The following SHANK2 variants were observed in gnomAD, a reference collection of about 807,000 sequenced individuals.
SHANK2 encodes the protein SH3 and multiple ankyrin repeat domains protein 2.
SHANK2 carries 43 observed loss-of-function variants against 133.7 expected under a neutral mutation model. That is an observed-to-expected ratio of 0.32 (90% CI 0.25 to 0.41). The LOEUF (loss-of-function observed/expected upper bound fraction) is 0.41, where lower values mean the gene tolerates loss of function less well. Among genes scored for constraint, SHANK2 ranks in the 10% least tolerant of loss-of-function variants. SHANK2 has a pLI of 1.00. For missense variants in SHANK2, 1,994 were observed against 2,235.8 expected (o/e 0.89, Z 2.18); for synonymous variants, 1,017 against 952.8 (o/e 1.07, Z -1.24).
chr11:70,819,859 C>G (rs1055396607), intron 12 of SHANK2, among the ~76,000 whole-genome samples: 1 of 152,168 alleles, frequency 6.6e-6, no homozygotes, highest in Non-Finnish European at 1.5e-5. Context: ...AGCCCTGAGC[C>G]GGCCTCTCCG....
chr11:70,559,560 G>C (rs549348494), intron 17 of SHANK2, among the ~76,000 whole-genome samples: 1 of 152,096 alleles, frequency 6.6e-6, no homozygotes. Flanking sequence ...CACACTGGGC[G>C]CTCCATAGCT....
intron 14 of SHANK2, among the ~76,000 whole-genome samples, chr11:70,745,226 G>A (rs1242935492): frequency 1.3e-5 from 2 of 152,190 alleles, no homozygotes; most frequent in Admixed American, 6.5e-5. Flanking sequence ...GCTACAAAGC[G>A]TTTCCCTCAC....
At chr11:71,113,401 C>CAAT in intron 4 of SHANK2, 37 bp from the exon 5 acceptor site, 1 of 1,533,642 alleles carries the variant, frequency 6.5e-7, no homozygotes, top group Non-Finnish European at 8.8e-7. Flanking sequence ...GAAAACAAGT[C>CAAT]AATACTTCTC....
rs148439238 is a variant in SHANK2, at chr11:71,239,652, T to C, written c.-113+12773A>G. ...ATACTTGTTTTTTGTTTTGTCTTGT[T>C]TTCTAGAGACAGGGTTTTGCTGTAT... On this transcript the variant is annotated intron_variant, in intron 1 of 25. Coordinates refer to ENST00000601538, the MANE Select transcript of SHANK2 (RefSeq NM_012309.5). Among the ~76,000 whole-genome samples, 639 of 152,026 alleles carry C rather than the reference T, an allele frequency of 4.2e-3. 3 individuals are homozygous for C. The highest frequency in any genetic ancestry group is 0.014 in the Admixed American group (212 of 15,266).
At chr11:70,621,975 C>T (rs60385084) in intron 17 of SHANK2, among the ~76,000 whole-genome samples, 12,353 of 152,152 alleles carry the variant, frequency 0.081, 587 homozygotes, top group African/African-American at 0.096. Flanking sequence ...TTTCTCTTCC[C>T]GGCTCTGTCC....
rs1437657269 is a variant in SHANK2, at chr11:71,086,444, ATAT to A, written c.912+5975_912+5977del. Reference sequence around the variant, plus strand: ...TACATATTATATATTTATAATTTATATATTATATTATATATAATTATGTAATAT... The same window carrying A: ...TACATATTATATATTTATAATTTATATATATTATATATAATTATGTAATAT... On this transcript the variant is annotated intron_variant, in intron 8 of 25. Coordinates refer to ENST00000601538, the MANE Select transcript of SHANK2 (RefSeq NM_012309.5). Among the ~76,000 whole-genome samples, 386 of 135,512 alleles carry A rather than the reference ATAT, an allele frequency of 2.8e-3. 3 individuals carry two copies. Among genetic ancestry groups the A allele is most frequent in the African/African-American group, 9.4e-3 (338 of 35,966 alleles). 88.9% of individuals were successfully genotyped at this position (135,512 alleles called of 152,430 possible). A position where few individuals can be genotyped will look rare whatever the true frequency, so the allele number is the denominator to read the frequency against.
At chr11:70,851,504 A>AT (rs1472266965) in intron 11 of SHANK2, among the ~76,000 whole-genome samples, 3 of 152,196 alleles carry the variant, frequency 2.0e-5, no homozygotes, top group African/African-American at 7.2e-5. Context: ...CTTTCTGCTG[A>AT]TTGGAATGAT....
chr11:71,132,674 G>C (rs369195290), intron 3 of SHANK2, among the ~76,000 whole-genome samples: 21 of 152,248 alleles, frequency 1.4e-4, no homozygotes, highest in African/African-American at 4.3e-4. Flanking sequence ...TACAATATTT[G>C]CTTTAAATGA....
intron 2 of SHANK2, among the ~76,000 whole-genome samples, chr11:71,163,845 A>T (rs1348395422): frequency 6.6e-6 from 1 of 152,218 alleles, no homozygotes; most frequent in Non-Finnish European, 1.5e-5. Flanking sequence ...GGAAGACAGA[A>T]GGAAGAATGC....
rs781886718 is a variant in SHANK2, at chr11:70,502,938, G to A, written c.2062-7C>T. On this transcript the variant is annotated splice_polypyrimidine_tract_variant and splice_region_variant and intron_variant, in intron 17 of 25. Coordinates refer to ENST00000601538, the MANE Select transcript of SHANK2 (RefSeq NM_012309.5). Reference sequence around the variant, plus strand: ...CAACATTCTCATTGTTAACCTGTGGGAAGGCGGAGAGGATGGCATCAGTGA... The same window carrying A: ...CAACATTCTCATTGTTAACCTGTGGAAAGGCGGAGAGGATGGCATCAGTGA... The A allele has an allele frequency of 1.9e-6, 3 of 1,614,032 alleles. No homozygotes were observed. The highest frequency in any genetic ancestry group is 1.3e-5 in the African/African-American group (1 of 74,930).
chr11:70,738,026 C>A (rs1946442247), intron 14 of SHANK2, among the ~76,000 whole-genome samples: 1 of 152,254 alleles, frequency 6.6e-6, no homozygotes, highest in South Asian at 2.1e-4. Context: ...GGCTCGGCAA[C>A]TACTGCACCG....
Position 70,767,397 on chromosome 11 carries a change from C to T in SHANK2, c.1777+31046G>A, listed in dbSNP as rs146806767. 6.8e-3 allele frequency among the ~76,000 whole-genome samples: 1,033 copies of T among 152,336 alleles called. 38 individuals are homozygous for T. The highest frequency in any genetic ancestry group is 0.061 in the Admixed American group (933 of 15,302). On this transcript the variant is annotated intron_variant, in intron 14 of 25. Transcript: ENST00000601538. ...GGAAAAACAGGTAAGCATATCCTTA[C>T]ATATGGACGTTCACAGCCGCACCAC... is the stretch of plus-strand genomic sequence containing the variant.
chr11:70,670,241 G>A (rs565179312), intron 15 of SHANK2, among the ~76,000 whole-genome samples: 115 of 152,342 alleles, frequency 7.5e-4, no homozygotes, highest in African/African-American at 2.6e-3. Context: ...TCAGTGGCAG[G>A]GCCTGGTGAA....
intron 14 of SHANK2, among the ~76,000 whole-genome samples, chr11:70,748,252 C>T (rs985120941): frequency 2.6e-5 from 4 of 152,162 alleles, no homozygotes; most frequent in Non-Finnish European, 5.9e-5. Flanking sequence ...GAGGAGGCCT[C>T]GCCCAGACAT....
intron 11 of SHANK2, among the ~76,000 whole-genome samples, chr11:70,833,878 G>A (rs546093625): frequency 2.5e-4 from 38 of 152,346 alleles, no homozygotes; most frequent in African/African-American, 8.7e-4. Context: ...TAGAGACAGG[G>A]TCCTGACCCA....
intron 8 of SHANK2, among the ~76,000 whole-genome samples, chr11:71,082,916 A>C (rs976032451): frequency 6.6e-6 from 1 of 152,112 alleles, no homozygotes; most frequent in East Asian, 1.9e-4. Context: ...GCACTCTCTG[A>C]ATACAACGGA....
At chr11:70,866,231 C>T (rs1949356584) in intron 11 of SHANK2, among the ~76,000 whole-genome samples, 1 of 152,146 alleles carries the variant, frequency 6.6e-6, no homozygotes, top group South Asian at 2.1e-4. Context: ...CCGAGTGGCT[C>T]CCCTGCCATC....
chr11:71,125,912 C>A (rs1368717169), intron 3 of SHANK2, among the ~76,000 whole-genome samples: 3 of 152,028 alleles, frequency 2.0e-5, no homozygotes, highest in African/African-American at 7.2e-5. Context: ...AAACCGAGGG[C>A]CCTTAAGAAT....
Position 70,659,776 on chromosome 11 carries a change from C to G in SHANK2, c.2061+52G>C, listed in dbSNP as rs1053847964. On this transcript the variant is annotated intron_variant, in intron 17 of 25. Transcript: ENST00000601538. ...GCTGCCAGGACTACGACCCTCTCCC[C>G]GAGAGTCGGCGCTCTCCCCAAGCAG... The G allele has an allele frequency of 3.7e-6, 6 of 1,611,110 alleles. No homozygotes were observed. In the Admixed American group the frequency reaches 8.3e-5, roughly 22 times the overall value.
Sources: gnomAD v4.1 joint callset for allele counts (sites outside exome capture counted in the v4.1 genomes callset) on GRCh38, gnomAD v4.1.1 for gene constraint, MANE v1.5 for transcripts, NCBI Gene and HGNC (gene_info 2026-07-23, HGNC 2026-07-21) for gene names.